KIAA1217: variants seen among roughly 807,000 people sequenced by gnomAD.
The protein encoded by KIAA1217 is KIAA1217.
In KIAA1217, 88 loss-of-function variants were observed where a neutral mutation model predicts 163.9. The observed-to-expected ratio is 0.54, with a 90% CI of 0.45 to 0.64. The LOEUF is 0.64. Among genes scored for constraint, KIAA1217 ranks in the 30% least tolerant of loss-of-function variants. KIAA1217 has a pLI of 0.00. For missense variants in KIAA1217, 2,372 were observed against 2,475.0 expected (o/e 0.96, Z 0.88); for synonymous variants, 903 against 923.1 (o/e 0.98, Z 0.39).
intron 2 of KIAA1217, among the ~76,000 whole-genome samples, chr10:24,105,838 C>T (rs1477043952): frequency 6.6e-6 from 1 of 152,210 alleles, no homozygotes; most frequent in Non-Finnish European, 1.5e-5. Flanking sequence ...ATCCACAAGG[C>T]ATGCATGCGT....
chr10:24,340,540 G>A lies in KIAA1217; in HGVS notation c.355-40329G>A, dbSNP rs189894362. On this transcript the variant is annotated intron_variant, in intron 2 of 20. Coordinates refer to ENST00000376454, the MANE Select transcript of KIAA1217 (RefSeq NM_019590.5). ...GTCTTGGTATGTCTTTATCAGCAGC[G>A]TGAAAACAAACTAATACAGCCGGTT... 4.0e-4 allele frequency among the ~76,000 whole-genome samples: 61 copies of A among 152,124 alleles called. No individual in the cohort carries two copies. The East Asian group carries it at 7.5e-3, about 19-fold the overall frequency.
intron 1 of KIAA1217, among the ~76,000 whole-genome samples, chr10:23,853,350 C>T (rs1426140727): frequency 1.3e-5 from 2 of 152,148 alleles, no homozygotes; most frequent in Non-Finnish European, 2.9e-5. Context: ...AGCCTTGCAT[C>T]CCAGGGATGA....
At chr10:24,446,696 C>T (rs967161443) in intron 5 of KIAA1217, among the ~76,000 whole-genome samples, 1 of 152,210 alleles carries the variant, frequency 6.6e-6, no homozygotes, top group African/African-American at 2.4e-5. Context: ...TCCTGACGTG[C>T]TTACTCTGTG....
chr10:24,260,937 G>A (rs1343635105), intron 2 of KIAA1217, among the ~76,000 whole-genome samples: 1 of 152,068 alleles, frequency 6.6e-6, no homozygotes, highest in Non-Finnish European at 1.5e-5. Flanking sequence ...ACTGTCATGA[G>A]GAAAGGTGAC....
upstream of KIAA1217, among the ~76,000 whole-genome samples, chr10:24,208,431 GA>G (rs2067689791): frequency 6.6e-6 from 1 of 151,872 alleles, no homozygotes; most frequent in Non-Finnish European, 1.5e-5. Context: ...AGGAGTCTGA[GA>G]AAGTGAGCAA....
At chr10:23,787,005 G>A (rs1371941913) in intron 1 of KIAA1217, among the ~76,000 whole-genome samples, 1 of 152,088 alleles carries the variant, frequency 6.6e-6, no homozygotes, top group Non-Finnish European at 1.5e-5. Flanking sequence ...AAATGTTAAA[G>A]TTTTAATAAC....
rs74746285 is a variant in KIAA1217 at position 24,453,136 on chromosome 10, A to G, written c.846+14657A>G. ...CAAAAATAGGGCTGGATCTCAAGTCACCGTTCCCAAGACCAGACCCTTGTC... is the reference window on the plus strand; with the variant it reads ...CAAAAATAGGGCTGGATCTCAAGTCGCCGTTCCCAAGACCAGACCCTTGTC... On this transcript the variant is annotated intron_variant, in intron 5 of 20. Coordinates refer to ENST00000376454, the MANE Select transcript of KIAA1217 (RefSeq NM_019590.5). Among the ~76,000 whole-genome samples, 38 of 152,284 alleles carry G rather than the reference A, an allele frequency of 2.5e-4. No homozygotes were observed. In the East Asian group the frequency reaches 6.9e-3, roughly 28 times the overall value.
chr10:24,346,045 A>G (rs2047719053), intron 2 of KIAA1217, among the ~76,000 whole-genome samples: 1 of 152,166 alleles, frequency 6.6e-6, no homozygotes, highest in South Asian at 2.1e-4. Context: ...CAACTCGTTT[A>G]GGTAAAATCA....
At chr10:24,438,090 C>T (rs571739194) in intron 4 of KIAA1217, among the ~76,000 whole-genome samples, 1 of 151,418 alleles carries the variant, frequency 6.6e-6, no homozygotes, top group African/African-American at 2.4e-5. Flanking sequence ...TTTCCATACT[C>T]GGAATCTTGA....
At chr10:24,527,839 C>G (rs921296382) in intron 13 of KIAA1217, 97 bp from the exon 14 acceptor site, 1 of 896,468 alleles carries the variant, frequency 1.1e-6, no homozygotes, top group Admixed American at 2.2e-5. Flanking sequence ...TCCTGATCCT[C>G]TCCTTCCTCC....
intron 1 of KIAA1217, among the ~76,000 whole-genome samples, chr10:23,746,509 C>T (rs533177593): frequency 9.9e-5 from 15 of 152,120 alleles, no homozygotes; most frequent in African/African-American, 2.7e-4. Flanking sequence ...CTGCTAGCTC[C>T]GCCTCCCGGG....
chr10:24,277,774 T>C (rs1040344692), intron 2 of KIAA1217, among the ~76,000 whole-genome samples: 1 of 152,208 alleles, frequency 6.6e-6, no homozygotes, highest in African/African-American at 2.4e-5. Flanking sequence ...TTAAACCTCT[T>C]TCCTTTATAA....
chr10:23,920,979 T>TTGTTC (rs1842829495), intron 1 of KIAA1217, among the ~76,000 whole-genome samples: 1 of 152,190 alleles, frequency 6.6e-6, no homozygotes, highest in African/African-American at 2.4e-5. Context: ...AGAAGTGCCT[T>TTGTTC]TGTTCCTCCT....
At chr10:24,532,042 C>G in intron 15 of KIAA1217, 49 bp downstream of exon 15, 1 of 1,404,836 alleles carries the variant, frequency 7.1e-7, no homozygotes, top group Admixed American at 2.6e-5. Flanking sequence ...TCAGATGATA[C>G]CCTTAGACAA....
chr10:24,204,637 C>T (rs976353556), upstream of KIAA1217, among the ~76,000 whole-genome samples: 2 of 151,658 alleles, frequency 1.3e-5, no homozygotes, highest in African/African-American at 4.9e-5. Context: ...CAGGGACAGT[C>T]GTGGTGTCTT....
intron 1 of KIAA1217, among the ~76,000 whole-genome samples, chr10:23,886,059 T>C (rs917338001): frequency 6.6e-6 from 1 of 151,874 alleles, no homozygotes; most frequent in Non-Finnish European, 1.5e-5. Context: ...TGTTCAGCTC[T>C]GGGTGTGATT....
At chr10:24,295,680 C>A (rs1320136284) in intron 2 of KIAA1217, among the ~76,000 whole-genome samples, 1 of 152,178 alleles carries the variant, frequency 6.6e-6, no homozygotes, top group Admixed American at 6.5e-5. Flanking sequence ...GGTGGAACTT[C>A]TCCCTCTTCA....
At chr10:24,372,559 G>A (rs111694298) in intron 2 of KIAA1217, among the ~76,000 whole-genome samples, 3,812 of 151,992 alleles carry the variant, frequency 0.025, 178 homozygotes, top group African/African-American at 0.087. Flanking sequence ...CCTGGGTGAC[G>A]GGATCAATTG....
intron 1 of KIAA1217, among the ~76,000 whole-genome samples, chr10:24,218,098 C>T (rs2069075839): frequency 6.6e-6 from 1 of 152,170 alleles, no homozygotes; most frequent in South Asian, 2.1e-4. Flanking sequence ...TCGTGAAGAG[C>T]CTGACTTCAT....
Sources: allele counts gnomAD v4.1 joint callset (sites outside exome capture counted in the v4.1 genomes callset), GRCh38; gene constraint gnomAD v4.1.1; transcripts MANE v1.5; gene names NCBI Gene and HGNC (gene_info 2026-07-23, HGNC 2026-07-21).